RALGAPA2: variants seen among roughly 807,000 people sequenced by gnomAD.
The protein encoded by RALGAPA2 is Ral GTPase activating protein catalytic subunit alpha 2, also known as ral GTPase-activating protein subunit alpha-2.
Under a neutral mutation model 230.4 loss-of-function variants are expected in RALGAPA2, and 139 were observed. The ratio of observed to expected loss-of-function variants is 0.60; its 90% CI spans 0.53 to 0.69. The LOEUF is 0.69. RALGAPA2 is among the 30% of genes least tolerant of loss of function. The pLI is 0.00. For missense variants in RALGAPA2, 2,163 were observed against 2,276.0 expected (o/e 0.95, Z 1.01); for synonymous variants, 847 against 837.8 (o/e 1.01, Z -0.19).
At chr20:20,510,665 A>C (rs905831781) in intron 33 of RALGAPA2, among the ~76,000 whole-genome samples, 5 of 152,192 alleles carry the variant, frequency 3.3e-5, no homozygotes, top group African/African-American at 9.6e-5. Flanking sequence ...CACATTCCCC[A>C]AATCAAACAC....
intron 36 of RALGAPA2, among the ~76,000 whole-genome samples, chr20:20,489,207 C>T (rs779681725): frequency 1.3e-5 from 2 of 152,268 alleles, no homozygotes; most frequent in East Asian, 3.9e-4. Flanking sequence ...AGGAAGCAGT[C>T]GGACCTATGA....
chr20:20,529,963 CA>C (rs1179221692), intron 27 of RALGAPA2, among the ~76,000 whole-genome samples: 2 of 152,066 alleles, frequency 1.3e-5, no homozygotes, highest in African/African-American at 4.8e-5. Context: ...AATAAAAATT[CA>C]AAAACAGATC....
At chr20:20,570,201 T>C (rs1226676243) in intron 23 of RALGAPA2, among the ~76,000 whole-genome samples, 1 of 152,158 alleles carries the variant, frequency 6.6e-6, no homozygotes, top group African/African-American at 2.4e-5. Context: ...AAAATCACAA[T>C]GAATATGACA....
rs375106019 is a variant in RALGAPA2 at position 20,511,194 on chromosome 20, G to A, written c.4928+60C>T. 7.4e-5 allele frequency: 114 copies of A among 1,538,816 alleles called. No individual in the cohort carries two copies. In the African/African-American group the frequency reaches 1.4e-3, roughly 18 times the overall value. ...TCTATTCATTCCTGCTGTTGTATCT[G>A]TTATCCAAGAATACCCAAAGACAAA... On this transcript the variant is annotated intron_variant, in intron 33 of 39. Coordinates refer to ENST00000202677, the MANE Select transcript of RALGAPA2 (RefSeq NM_020343.4).
At chr20:20,511,873 A>G (rs1392810853) in intron 32 of RALGAPA2, among the ~76,000 whole-genome samples, 1 of 152,212 alleles carries the variant, frequency 6.6e-6, no homozygotes, top group African/African-American at 2.4e-5. Flanking sequence ...GGCAGAAACA[A>G]TAATGGACAA....
Position 20,392,962 on chromosome 20 carries a change from T to C in RALGAPA2, c.*327A>G. The C allele has an allele frequency of 9.6e-6, 8 of 836,688 alleles. No homozygotes were observed. Among genetic ancestry groups the C allele is most frequent in the Non-Finnish European group, 1.0e-5 (6 of 600,038 alleles). 51.8% of individuals were successfully genotyped at this position (836,688 alleles called of 1,614,324 possible). On this transcript the variant is annotated 3_prime_UTR_variant, in exon 40 of 40. Coordinates refer to ENST00000202677, the MANE Select transcript of RALGAPA2 (RefSeq NM_020343.4). ...CAGTGCCCACGTGTCAGTGGGTTCATCTCTGGTTTTTGGTGACTTTTTCTT... is the reference window on the plus strand; with the variant it reads ...CAGTGCCCACGTGTCAGTGGGTTCACCTCTGGTTTTTGGTGACTTTTTCTT...
At chr20:20,425,080 A>T (rs2060354161) in intron 37 of RALGAPA2, among the ~76,000 whole-genome samples, 1 of 152,262 alleles carries the variant, frequency 6.6e-6, no homozygotes, top group South Asian at 2.1e-4. Context: ...AGAATAGTTC[A>T]TATCTAGGTT....
intron 24 of RALGAPA2, among the ~76,000 whole-genome samples, chr20:20,539,772 A>T (rs1344211855): frequency 6.6e-6 from 1 of 151,962 alleles, no homozygotes; most frequent in Non-Finnish European, 1.5e-5. Context: ...ATCTCCCCCT[A>T]CCCCAACCAC....
intron 2 of RALGAPA2, 92 bp downstream of exon 2, chr20:20,680,599 A>G: frequency 3.6e-6 from 5 of 1,407,296 alleles, no homozygotes; most frequent in Non-Finnish European, 4.6e-6. Context: ...GCAAGAAAGA[A>G]AGCTTAAAAA....
intron 37 of RALGAPA2, among the ~76,000 whole-genome samples, chr20:20,439,307 G>A (rs1407828171): frequency 6.6e-6 from 1 of 151,756 alleles, no homozygotes; most frequent in East Asian, 1.9e-4. Flanking sequence ...TGACCTCCTA[G>A]GCTCAAGCGA....
At chr20:20,664,873 C>A (rs559191722) in intron 3 of RALGAPA2, among the ~76,000 whole-genome samples, 1 of 152,254 alleles carries the variant, frequency 6.6e-6, no homozygotes, top group South Asian at 2.1e-4. Flanking sequence ...GGACTGGCCA[C>A]CCTGTCAAAT....
At chr20:20,643,886 T>C (rs1021284472) in intron 4 of RALGAPA2, among the ~76,000 whole-genome samples, 2 of 152,106 alleles carry the variant, frequency 1.3e-5, no homozygotes, top group Admixed American at 1.3e-4. Flanking sequence ...TGTAAAACAA[T>C]TGCTCACAAA....
intron 37 of RALGAPA2, among the ~76,000 whole-genome samples, chr20:20,424,869 A>G (rs1181770632): frequency 6.6e-6 from 1 of 152,184 alleles, no homozygotes; most frequent in African/African-American, 2.4e-5. Context: ...GGCAAAGTAT[A>G]AAAAGAGTAG....
At chr20:20,472,730 T>C in intron 37 of RALGAPA2, 99 bp downstream of exon 37, 1 of 1,333,212 alleles carries the variant, frequency 7.5e-7, no homozygotes, top group Non-Finnish European at 9.9e-7. Flanking sequence ...TTCTCTTCCC[T>C]CTTCAATTCA....
chr20:20,456,453 G>A (rs763807931), intron 37 of RALGAPA2, among the ~76,000 whole-genome samples: 39 of 152,252 alleles, frequency 2.6e-4, no homozygotes, highest in Non-Finnish European at 3.2e-4. Context: ...TGGACAGGCA[G>A]GCTGCTGCTT....
At chr20:20,458,856 C>CTATATATATATATAGACCTA (rs2061229643) in intron 37 of RALGAPA2, among the ~76,000 whole-genome samples, 20 of 88,204 alleles carry the variant, frequency 2.3e-4, no homozygotes, top group African/African-American at 9.0e-4. Flanking sequence ...ATATATAGAC[C>CTATATATATATATAGACCTA]TATATATATA....
intron 9 of RALGAPA2, among the ~76,000 whole-genome samples, chr20:20,633,293 C>T (rs1398955896): frequency 6.6e-6 from 1 of 152,064 alleles, no homozygotes; most frequent in Admixed American, 6.6e-5. Flanking sequence ...TACCACCACG[C>T]CCAGCTAATT....
At chr20:20,490,226 T>G (rs918550150) in intron 36 of RALGAPA2, among the ~76,000 whole-genome samples, 9 of 152,202 alleles carry the variant, frequency 5.9e-5, no homozygotes, top group African/African-American at 9.6e-5. Flanking sequence ...ACAAATCCCC[T>G]GTATCTAGGG....
At chr20:20,586,311 T>C (rs1052327291) in intron 18 of RALGAPA2, among the ~76,000 whole-genome samples, 51 of 152,312 alleles carry the variant, frequency 3.3e-4, no homozygotes, top group African/African-American at 3.6e-4. Flanking sequence ...CCACTGCCAG[T>C]GGCAAGAGGA....
Sources: allele counts gnomAD v4.1 joint callset (sites outside exome capture counted in the v4.1 genomes callset), GRCh38; gene constraint gnomAD v4.1.1; transcripts MANE v1.5; gene names NCBI Gene and HGNC (gene_info 2026-07-23, HGNC 2026-07-21).